Variants in EDA observed in about 807,000 individuals in gnomAD.
EDA encodes ectodysplasin A.
Under a neutral mutation model 23.6 loss-of-function variants are expected in EDA, and 2 were observed. That is an observed-to-expected ratio of 0.08 (90% confidence interval 0.03 to 0.27). The LOEUF is 0.27. Among genes scored for constraint, EDA ranks in the 10% least tolerant of loss-of-function variants. EDA has a pLI of 1.00. For synonymous variants in EDA, 131 were observed against 132.0 expected, an observed-to-expected ratio of 0.99 and a Z score of 0.05; for missense variants, 229 against 324.2, an observed-to-expected ratio of 0.71 and a Z score of 2.26.
chrX:69,990,865 G>T (rs1382631802), intron 2 of EDA, among the ~76,000 whole-genome samples: 5 of 108,625 alleles, frequency 4.6e-5, no homozygotes, highest in African/African-American at 1.7e-4. Flanking sequence ...TTGCTCCCTG[G>T]GTCCCAATGG....
At chrX:69,667,583 T>A (rs1933729502) in intron 1 of EDA, among the ~76,000 whole-genome samples, 1 of 111,838 alleles carries the variant, frequency 8.9e-6, no homozygotes, top group Non-Finnish European at 1.9e-5. Context: ...TTCTGTTCTC[T>A]GTTTATTTCT....
chrX:69,675,293 T>A (rs1319441256), intron 1 of EDA, among the ~76,000 whole-genome samples: 1 of 112,253 alleles, frequency 8.9e-6, no homozygotes, highest in African/African-American at 3.2e-5. Flanking sequence ...TCTATATATT[T>A]TAGTAACTCC....
chrX:69,834,753 A>G (rs1322427872), intron 1 of EDA, among the ~76,000 whole-genome samples: 2 of 111,480 alleles, frequency 1.8e-5, no homozygotes, highest in Non-Finnish European at 3.8e-5. Flanking sequence ...TGATCCTGTC[A>G]TTATGATGTT....
At chrX:69,760,197 C>CAA (rs1162014486) in intron 1 of EDA, among the ~76,000 whole-genome samples, 19,085 of 46,408 alleles carry the variant, frequency 0.41, 4,173 homozygotes, top group Non-Finnish European at 0.46. Context: ...CTCTTTTGTA[C>CAA]AAAAAAAAAA....
At chrX:69,886,695 C>G (rs2017833974) in intron 1 of EDA, among the ~76,000 whole-genome samples, 1 of 110,540 alleles carries the variant, frequency 9.0e-6, no homozygotes, top group Non-Finnish European at 1.9e-5. Context: ...AGAGACAGTC[C>G]AGTCACCCAG....
chrX:70,005,789 A>G, intron 2 of EDA, among the ~76,000 whole-genome samples: 1 of 111,244 alleles, frequency 9.0e-6, no homozygotes, highest in Middle Eastern at 4.6e-3. Flanking sequence ...GATGTTTTAT[A>G]AATTTATTTT....
intron 1 of EDA, among the ~76,000 whole-genome samples, chrX:69,901,014 T>A (rs1302233134): frequency 9.0e-6 from 1 of 111,403 alleles, no homozygotes; most frequent in Admixed American, 9.6e-5. Flanking sequence ...TTTCCAATAT[T>A]ATATTAGAAG....
chrX:69,971,220 G>C (rs1381843581), intron 2 of EDA, among the ~76,000 whole-genome samples: 1 of 111,912 alleles, frequency 8.9e-6, no homozygotes, highest in Non-Finnish European at 1.9e-5. Context: ...CTCTAATTTG[G>C]AACTAGTCAG....
intron 1 of EDA, among the ~76,000 whole-genome samples, chrX:69,896,612 A>G (rs1042628509): frequency 4.5e-5 from 5 of 111,294 alleles, no homozygotes; most frequent in Non-Finnish European, 9.4e-5. Flanking sequence ...TAATCCTCTC[A>G]TTTTGTAGGT....
chrX:69,725,853 A>C (rs909554227), intron 1 of EDA, among the ~76,000 whole-genome samples: 3 of 112,508 alleles, frequency 2.7e-5, no homozygotes, highest in Admixed American at 9.4e-5. Context: ...CAGTGTTACC[A>C]AAGTAACAGG....
At chrX:69,948,426 A>C (rs1489251795) in intron 1 of EDA, among the ~76,000 whole-genome samples, 1 of 111,737 alleles carries the variant, frequency 8.9e-6, no homozygotes, top group African/African-American at 3.3e-5. Flanking sequence ...TATCTACAAC[A>C]AGACATGGCA....
chrX:69,654,952 A>G (rs1388982276), intron 1 of EDA, among the ~76,000 whole-genome samples: 3 of 109,867 alleles, frequency 2.7e-5, no homozygotes, highest in Non-Finnish European at 5.7e-5. Context: ...TATAATAACA[A>G]TACAATTAAA....
intron 1 of EDA, among the ~76,000 whole-genome samples, chrX:69,707,644 C>CT (rs2048920159): frequency 1.8e-5 from 2 of 111,608 alleles, no homozygotes; most frequent in Non-Finnish European, 3.8e-5. Flanking sequence ...CACTGTAACT[C>CT]TAAGTTACTC....
chrX:69,777,177 G>GTTGTTGTTA (rs1373106750), intron 1 of EDA, among the ~76,000 whole-genome samples: 1 of 106,544 alleles, frequency 9.4e-6, no homozygotes, highest in Non-Finnish European at 2.0e-5. Context: ...TGTTGTTGTT[G>GTTGTTGTTA]TTTGGACAGG....
chrX:69,693,239 G>T (rs147262501), intron 1 of EDA: 1,925 of 110,743 alleles, frequency 0.017, 17 homozygotes, highest in Non-Finnish European at 0.028. Context: ...ACAAAGGGAG[G>T]GGAGAGAAGA....
At chrX:69,907,758 C>G (rs1009765987) in intron 1 of EDA, among the ~76,000 whole-genome samples, 1 of 111,100 alleles carries the variant, frequency 9.0e-6, no homozygotes, top group African/African-American at 3.3e-5. Context: ...GATGTTCAAA[C>G]AGAAAAGGGT....
intron 1 of EDA, among the ~76,000 whole-genome samples, chrX:69,826,779 A>G (rs1422641792): frequency 9.5e-6 from 1 of 105,527 alleles, no homozygotes; most frequent in African/African-American, 3.5e-5. Context: ...TAGTTGATGC[A>G]GTTTCTTCCT....
chrX:69,623,983 G>T (rs754012356), intron 1 of EDA, among the ~76,000 whole-genome samples: 2 of 110,475 alleles, frequency 1.8e-5, no homozygotes, highest in South Asian at 7.7e-4. Flanking sequence ...TTGCCATTTT[G>T]GGGGTTTAAA....
intron 1 of EDA, among the ~76,000 whole-genome samples, chrX:69,946,448 GTCTT>G (rs909036706): frequency 9.0e-6 from 1 of 111,487 alleles, no homozygotes; most frequent in Admixed American, 9.6e-5. Flanking sequence ...ATTGTTTCTA[GTCTT>G]TCTTTCATTA....
Sources: gnomAD v4.1 joint callset for allele counts (sites outside exome capture counted in the v4.1 genomes callset) on GRCh38, gnomAD v4.1.1 for gene constraint, MANE v1.5 for transcripts, NCBI Gene and HGNC (gene_info 2026-07-23, HGNC 2026-07-21) for gene names.